TNC: variants seen among roughly 807,000 people sequenced by gnomAD.
The protein encoded by TNC is tenascin C.
TNC carries 109 observed loss-of-function variants against 202.4 expected under a neutral mutation model. The observed-to-expected ratio is 0.54, with a 90% CI of 0.46 to 0.63. The LOEUF (loss-of-function observed/expected upper bound fraction) is 0.63, where lower values mean the gene tolerates loss of function less well. Ranked by LOEUF, TNC falls within the 30% of genes least tolerant of loss-of-function variation. TNC has a pLI of 0.00. For missense variants in TNC, 2,756 were observed against 2,833.3 expected (o/e 0.97, Z 0.62); for synonymous variants, 1,007 against 1,089.7 (o/e 0.92, Z 1.50).
rs1367985207 is a variant in TNC at position 115,039,291 on chromosome 9, T to C, written c.5393-911A>G. Among the ~76,000 whole-genome samples, 7 of 152,200 alleles carry C rather than the reference T, an allele frequency of 4.6e-5. No individual in the cohort carries two copies. The South Asian group carries it at 1.4e-3, about 31-fold the overall frequency. ...CATTTCCCTTCTCCAAACTTCACTTTCTTCAGCTGCCAAAGGGTGACTGTT... is the reference window on the plus strand; with the variant it reads ...CATTTCCCTTCTCCAAACTTCACTTCCTTCAGCTGCCAAAGGGTGACTGTT... On this transcript the variant is annotated intron_variant, in intron 19 of 27. Transcript: ENST00000350763.
Position 115,086,309 on chromosome 9 carries a change from A to G in TNC, c.1422T>C (p.Cys474=), listed in dbSNP as rs749271950. The part of the protein sequence containing the change: ...DCSDMSCPND[C]HQHGRCVNGM... ...CATTCACACAGCGGCCGTGCTGGTGACAGTCATTAGGGCAGCTCATGTCAC... is the reference window on the plus strand; with the variant it reads ...CATTCACACAGCGGCCGTGCTGGTGGCAGTCATTAGGGCAGCTCATGTCAC... Residue 474 remains cysteine (C), a synonymous_variant, in exon 3 of 28, where the codon TGT becomes TGC. Coordinates refer to ENST00000350763, the MANE Select transcript of TNC (RefSeq NM_002160.4). 1 of 1,614,142 alleles carries G rather than the reference A, an allele frequency of 6.2e-7. No homozygotes were observed. Among genetic ancestry groups the G allele is most frequent in the South Asian group, 1.1e-5 (1 of 91,090 alleles).
At chr9:115,064,992 CA>C in intron 10 of TNC, 73 bp from the exon 11 acceptor site, 1 of 1,538,384 alleles carries the variant, frequency 6.5e-7, no homozygotes, top group Non-Finnish European at 8.8e-7. Flanking sequence ...CTGGGAATGG[CA>C]AACCCAATGC....
rs770704378 is a variant in TNC, at chr9:115,086,985, C to T, written c.746G>A (p.Arg249His). The T allele has an allele frequency of 8.7e-6, 14 of 1,614,054 alleles. No individual in the cohort carries two copies. The highest frequency in any genetic ancestry group is 6.6e-5 in the South Asian group (6 of 91,086). Residue 249 changes from arginine to histidine, a missense_variant, in exon 3 of 28, where the codon CGT (arginine) becomes CAT (histidine). Physicochemically the swap from Arg to His is conservative, Grantham distance 29. Coordinates refer to ENST00000350763, the MANE Select transcript of TNC (RefSeq NM_002160.4). Reference sequence around the variant, plus strand: ...ACTGCAGGGCACTGGGCAGATTTCACGGCTGCAGTCAGCCCCGGCGTAGCC... The same window carrying T: ...ACTGCAGGGCACTGGGCAGATTTCATGGCTGCAGTCAGCCCCGGCGTAGCC... The part of the protein sequence containing the change: ...FEGYAGADCS[R>H]EICPVPCSEE...
chr9:115,116,948 C>A (rs1428825017), intron 1 of TNC, among the ~76,000 whole-genome samples: 1 of 152,212 alleles, frequency 6.6e-6, no homozygotes, highest in Non-Finnish European at 1.5e-5. Flanking sequence ...CCTCTTTTAA[C>A]TTCCAGAGTG....
At chr9:115,075,325 A>G (rs1055749040) in intron 9 of TNC, among the ~76,000 whole-genome samples, 32 of 152,158 alleles carry the variant, frequency 2.1e-4, no homozygotes, top group African/African-American at 7.5e-4. Flanking sequence ...TTAAACTACA[A>G]TCCTGTTACT....
intron 25 of TNC, 69 bp downstream of exon 25, chr9:115,029,291 T>G: frequency 1.4e-6 from 2 of 1,398,230 alleles, no homozygotes; most frequent in Non-Finnish European, 2.0e-6. Context: ...TAGGTCCCTG[T>G]GGGTTAGGAA....
At position 115,032,395 on chromosome 9, in the gene TNC, C is replaced by G. The variant is rs569839747; in HGVS notation, c.5788-710G>C. ...GTTTATCATCACAAGAAATGGGGAGCCTTGAAAGATGTTTGGACATGCCAA... is the reference window on the plus strand; with the variant it reads ...GTTTATCATCACAAGAAATGGGGAGGCTTGAAAGATGTTTGGACATGCCAA... On this transcript the variant is annotated intron_variant, in intron 22 of 27. Transcript: ENST00000350763. 3.3e-5 allele frequency among the ~76,000 whole-genome samples: 5 copies of G among 152,170 alleles called. No individual in the cohort carries two copies. The East Asian group carries it at 9.7e-4, about 29-fold the overall frequency.
At chr9:115,089,498 C>A (rs1052330355) in intron 2 of TNC, among the ~76,000 whole-genome samples, 1 of 151,906 alleles carries the variant, frequency 6.6e-6, no homozygotes, top group African/African-American at 2.4e-5. Context: ...CTCTCTCTCT[C>A]TCTCTATCTC....
rs138049593 is a variant in TNC, at chr9:115,057,189, T to C, written c.4543A>G (p.Ile1515Val). 128 of 1,613,924 alleles carry C rather than the reference T, an allele frequency of 7.9e-5. No homozygotes were observed. The African/African-American group carries it at 1.6e-3, about 20-fold the overall frequency. The change falls in exon 15 of 28, where the codon ATC becomes GTC. Residue 1515 changes from isoleucine (I) to valine (V), a missense_variant. By Grantham distance (29) the Ile-to-Val change is conservative. Around this residue, in one of 2 missense-constraint regions of TNC, gnomAD observed 2,559 missense variants for 2,546.0 expected, o/e 1.01. Coordinates refer to ENST00000350763, the MANE Select transcript of TNC (RefSeq NM_002160.4). Reference sequence around the variant, plus strand: ...GTGGCACTGATGGTTTTGGTCCGGATGCTGGGAGCAAGTCCAGAGAGGTAG... The same window carrying C: ...GTGGCACTGATGGTTTTGGTCCGGACGCTGGGAGCAAGTCCAGAGAGGTAG... ...IVYLSGLAPS[I>V]RTKTISATAT... is the part of the protein sequence containing the mutation.
intron 5 of TNC, 119 bp downstream of exon 5, chr9:115,082,573 G>A: frequency 1.5e-6 from 1 of 663,214 alleles, no homozygotes; most frequent in East Asian, 2.7e-5. Context: ...TGATGCTAAT[G>A]AGAGCCTTGT....
At position 115,078,074 on chromosome 9, in the gene TNC, G is replaced by A. The variant is rs142334930; in HGVS notation, c.2543C>T (p.Thr848Ile). 1.7e-4 allele frequency: 272 copies of A among 1,614,096 alleles called. No homozygotes were observed. Among genetic ancestry groups the A allele is most frequent in the Non-Finnish European group, 2.2e-4 (264 of 1,180,044 alleles). ...GIKDVPGDRT[T>I]IDLTEDENQY... Reference sequence around the variant, plus strand: ...GTTCTCGTCCTCTGTGAGATCGATGGTGGTACGGTCTCCTGGCACGTCTTT... The same window carrying A: ...GTTCTCGTCCTCTGTGAGATCGATGATGGTACGGTCTCCTGGCACGTCTTT... The change falls in exon 7 of 28, where the codon ACC becomes ATC. Residue 848 changes from threonine to isoleucine, a missense_variant. Thr to Ile is a moderately conservative substitution (Grantham distance 89). Transcript: ENST00000350763.
In TNC at chr9:115,063,185, C is replaced by T. The variant is rs149347382; in HGVS notation, c.3765G>A (p.Glu1255=). ...TPLSVEVLTE[E]VPDMGNLTVT... ...CTGTGAGGTTTCCCATATCTGGAAC[C>T]TCCTCTGCATAAGGACACAGAGTTG... Residue 1255 remains glutamate (E), a synonymous_variant, in exon 13 of 28, where the codon GAG becomes GAA. Transcript: ENST00000350763. The T allele has an allele frequency of 6.2e-7, 1 of 1,613,942 alleles. No individual in the cohort carries two copies. The highest frequency in any genetic ancestry group is 1.1e-5 in the South Asian group (1 of 91,060).
At chr9:115,109,303 C>T (rs1836862036) in intron 1 of TNC, among the ~76,000 whole-genome samples, 1 of 152,196 alleles carries the variant, frequency 6.6e-6, no homozygotes, top group Non-Finnish European at 1.5e-5. Flanking sequence ...TGAACTACAT[C>T]ATTTAATCAT....
chr9:115,076,145 A>G, intron 8 of TNC, 24 bp from the exon 9 acceptor site: 2 of 1,604,996 alleles, frequency 1.2e-6, no homozygotes, highest in Non-Finnish European at 1.7e-6. Context: ...GTGCAAGTTG[A>G]GATTCATCCT....
Position 115,087,260 on chromosome 9 carries a change from G to C in TNC, c.471C>G (p.Thr157=). 3 of 1,612,174 alleles carry C rather than the reference G, an allele frequency of 1.9e-6. No homozygotes were observed. Among genetic ancestry groups the C allele is most frequent in the Non-Finnish European group, 2.5e-6 (3 of 1,178,382 alleles). The change falls in exon 3 of 28, where the codon ACC becomes ACG. Residue 157 remains threonine, a synonymous_variant. Coordinates refer to ENST00000350763, the MANE Select transcript of TNC (RefSeq NM_002160.4). ...TGCCCCGACCGCTACAGAAGGGCCT[G>C]GTGTCCAAGCGGCCTGCAACAAAAG... is the stretch of plus-strand genomic sequence containing the variant. ...CLQPATGRLD[T]RPFCSGRGNF...
At position 115,085,865 on chromosome 9, in the gene TNC, C is replaced by T. The variant is rs577173441; in HGVS notation, c.1866G>A (p.Glu622=). 120 of 1,602,626 alleles carry T rather than the reference C, an allele frequency of 7.5e-5. No individual in the cohort carries two copies. The South Asian group carries it at 1.2e-3, about 15-fold the overall frequency. ...GCTGGTCTGCGCCCTGGCACTCACC[C>T]TCTGAGCAGTCTTCTCCGCTGTAGC... is the stretch of plus-strand genomic sequence containing the variant. The part of the protein sequence containing the change: ...NEGYSGEDCS[E]VSPPKDLVVT... The change falls in exon 3 of 28, where the codon GAG becomes GAA. Residue 622 remains glutamate, a splice_region_variant and synonymous_variant. Transcript: ENST00000350763.
At chr9:115,065,635 CTCTTCTTA>C (rs1187375598) in intron 10 of TNC, among the ~76,000 whole-genome samples, 1 of 152,042 alleles carries the variant, frequency 6.6e-6, no homozygotes, top group Non-Finnish European at 1.5e-5. Flanking sequence ...AGACAATTGG[CTCTTCTTA>C]GATACCCTTC....
intron 15 of TNC, among the ~76,000 whole-genome samples, chr9:115,048,948 G>A (rs981461785): frequency 2.0e-5 from 3 of 147,518 alleles, no homozygotes; most frequent in East Asian, 2.0e-4. Flanking sequence ...TTTTTTTTTC[G>A]AGTATAATTT....
intron 10 of TNC, among the ~76,000 whole-genome samples, chr9:115,066,052 T>C (rs796495798): frequency 5.9e-5 from 9 of 152,250 alleles, no homozygotes; most frequent in African/African-American, 1.9e-4. Context: ...CAGAGACACA[T>C]TGACACAGTA....
Sources: gnomAD v4.1 joint callset for allele counts (sites outside exome capture counted in the v4.1 genomes callset) on GRCh38, gnomAD v4.1.1 for gene constraint, gnomAD v4.1.1 regional missense constraint, MANE v1.5 for transcripts, NCBI Gene and HGNC (gene_info 2026-07-23, HGNC 2026-07-21) for gene names.